Variants in ZC3HAV1 observed in about 807,000 individuals in gnomAD.
ZC3HAV1 encodes zinc finger CCCH-type antiviral protein 1.
Under a neutral mutation model 86.6 loss-of-function variants are expected in ZC3HAV1, and 41 were observed. That is an observed-to-expected ratio of 0.47 (90% CI 0.37 to 0.61). The LOEUF (loss-of-function observed/expected upper bound fraction) is 0.61, where lower values mean the gene tolerates loss of function less well. Among genes scored for constraint, ZC3HAV1 ranks in the 20% least tolerant of loss-of-function variants. The pLI, the probability that ZC3HAV1 is intolerant of heterozygous loss-of-function variation, is 0.00. For missense variants in ZC3HAV1, 964 were observed against 1,141.1 expected, an observed-to-expected ratio of 0.84 and a Z score of 2.24; for synonymous variants, 421 against 432.1, an observed-to-expected ratio of 0.97 and a Z score of 0.32.
At chr7:139,076,915 G>A (rs371750085) in intron 5 of ZC3HAV1, among the ~76,000 whole-genome samples, 5 of 151,146 alleles carry the variant, frequency 3.3e-5, no homozygotes, top group African/African-American at 1.2e-4. Context: ...AAAAAGAAAA[G>A]GAAACAAAAA....
intron 7 of ZC3HAV1, among the ~76,000 whole-genome samples, chr7:139,072,979 T>A (rs1013491743): frequency 3.3e-5 from 5 of 152,122 alleles, no homozygotes; most frequent in Non-Finnish European, 5.9e-5. Context: ...GCAGCTGACA[T>A]GTCTCAAGCG....
intron 12 of ZC3HAV1, among the ~76,000 whole-genome samples, chr7:139,053,072 A>T (rs1157015809): frequency 6.6e-6 from 1 of 152,166 alleles, no homozygotes; most frequent in African/African-American, 2.4e-5. Context: ...CTTTAATTAA[A>T]ACCAATCTGT....
At chr7:139,077,752 CTTATA>C (rs1309440405) in intron 5 of ZC3HAV1, among the ~76,000 whole-genome samples, 1 of 152,144 alleles carries the variant, frequency 6.6e-6, no homozygotes, top group African/African-American at 2.4e-5. Flanking sequence ...CAAAATTTGC[CTTATA>C]TTATGTTTAA....
At chr7:139,107,999 G>A (rs1265206749) in intron 1 of ZC3HAV1, among the ~76,000 whole-genome samples, 3 of 152,178 alleles carry the variant, frequency 2.0e-5, no homozygotes, top group Non-Finnish European at 4.4e-5. Flanking sequence ...AAGGGAAAGA[G>A]ACTTCACAAA....
chr7:139,100,179 T>A (rs1227674831), intron 1 of ZC3HAV1, among the ~76,000 whole-genome samples: 1 of 151,394 alleles, frequency 6.6e-6, no homozygotes, highest in Non-Finnish European at 1.5e-5. Flanking sequence ...AAGACAAACT[T>A]AAAAAAATGA....
intron 3 of ZC3HAV1, among the ~76,000 whole-genome samples, chr7:139,083,382 G>C (rs1429533732): frequency 6.6e-6 from 1 of 152,110 alleles, no homozygotes; most frequent in Non-Finnish European, 1.5e-5. Context: ...TACACGGCAA[G>C]GTAGAGTGAT....
intron 1 of ZC3HAV1, among the ~76,000 whole-genome samples, chr7:139,102,626 T>G (rs543573860): frequency 1.3e-5 from 2 of 152,058 alleles, no homozygotes; most frequent in East Asian, 1.9e-4. Context: ...GCTTAGTGGC[T>G]CATGCCTGTA....
rs945652557 is a variant in ZC3HAV1, at chr7:139,043,790, A to G, written c.*3804T>C. ...AATACAAATTATCAAAGCAAGGCGC[A>G]AAGTATTTTAAAAATAAGGGGTTTG... On this transcript the variant is annotated 3_prime_UTR_variant, in exon 13 of 13. Transcript: ENST00000242351. 4 of 152,232 alleles carry G rather than the reference A, an allele frequency of 2.6e-5. No individual in the cohort carries two copies. Among genetic ancestry groups the G allele is most frequent in the South Asian group, 4.1e-4 (2 of 4,832 alleles). The allele number at this position is 152,232 out of a possible 1,614,324, so 9.4% of individuals were successfully genotyped here.
At chr7:139,065,105 G>A in intron 7 of ZC3HAV1, 106 bp from the exon 8 acceptor site, 1 of 1,476,860 alleles carries the variant, frequency 6.8e-7, no homozygotes, top group South Asian at 1.3e-5. Context: ...AGTGCATTTT[G>A]CTTCCCAAAC....
At chr7:139,072,586 T>C (rs902110065) in intron 7 of ZC3HAV1, among the ~76,000 whole-genome samples, 1 of 152,162 alleles carries the variant, frequency 6.6e-6, no homozygotes, top group Non-Finnish European at 1.5e-5. Flanking sequence ...TCTCTCTCTC[T>C]TTAATCCTAT....
At chr7:139,064,805 T>G (rs1293529605) in intron 8 of ZC3HAV1, 74 bp downstream of exon 8, 1 of 1,610,246 alleles carries the variant, frequency 6.2e-7, no homozygotes, top group Non-Finnish European at 8.5e-7. Flanking sequence ...GCATACCCAC[T>G]CTGCTCCCAC....
At chr7:139,047,960 T>C in intron 12 of ZC3HAV1, 107 bp from the exon 13 acceptor site, 1 of 1,139,364 alleles carries the variant, frequency 8.8e-7, no homozygotes, top group South Asian at 1.4e-5. Flanking sequence ...CATATGTCAA[T>C]AATACCTTAC....
chr7:139,080,268 A>C, intron 3 of ZC3HAV1, 25 bp from the exon 4 acceptor site: 1 of 1,613,702 alleles, frequency 6.2e-7, no homozygotes, highest in South Asian at 1.1e-5. Context: ...AGCCAAAATG[A>C]AACAAAATAA....
chr7:139,057,730 T>C (rs184970355), intron 9 of ZC3HAV1, among the ~76,000 whole-genome samples: 467 of 46,556 alleles, frequency 0.01, 160 homozygotes, highest in Middle Eastern at 0.025. Flanking sequence ...TTAGTAGAGA[T>C]GGGGTTTCAC....
At chr7:139,084,769 G>A (rs1035160597) in intron 2 of ZC3HAV1, among the ~76,000 whole-genome samples, 2 of 152,190 alleles carry the variant, frequency 1.3e-5, no homozygotes, top group Admixed American at 6.5e-5. Context: ...TTGTAAATGC[G>A]TTATGCAAAA....
intron 3 of ZC3HAV1, among the ~76,000 whole-genome samples, chr7:139,082,959 G>C (rs1049979005): frequency 6.6e-6 from 1 of 151,978 alleles, no homozygotes; most frequent in Non-Finnish European, 1.5e-5. Context: ...TGTATTAATT[G>C]TCTTGTGATT....
rs1269248929 is a variant in ZC3HAV1 at position 139,097,413 on chromosome 7, TA to T, written c.309-7655del. Among the ~76,000 whole-genome samples, 104 of 80,218 alleles carry T rather than the reference TA, an allele frequency of 1.3e-3. 1 individual carries two copies. Among genetic ancestry groups the T allele is most frequent in the South Asian group, 2.1e-3 (4 of 1,916 alleles). 52.6% of individuals were successfully genotyped at this position (80,218 alleles called of 152,430 possible). On this transcript the variant is annotated intron_variant, in intron 1 of 12. Transcript: ENST00000242351. The stretch of plus-strand genomic sequence containing the variant: ...AATATTGGAACTCCATATATATATA[TA>T]TATATATATATATATTTTTTTTTTT...
chr7:139,066,721 G>A (rs967745509), intron 7 of ZC3HAV1, among the ~76,000 whole-genome samples: 14 of 152,136 alleles, frequency 9.2e-5, no homozygotes, highest in East Asian at 1.9e-4. Flanking sequence ...GATGTGGGGC[G>A]GGTAGAACAG....
At chr7:139,104,314 A>G (rs573563434) in intron 1 of ZC3HAV1, among the ~76,000 whole-genome samples, 1 of 152,330 alleles carries the variant, frequency 6.6e-6, no homozygotes, top group South Asian at 2.1e-4. Context: ...AAGCAAGGTA[A>G]AGACCCTTAG....
Sources: allele counts gnomAD v4.1 joint callset (sites outside exome capture counted in the v4.1 genomes callset), GRCh38; gene constraint gnomAD v4.1.1; transcripts MANE v1.5; gene names NCBI Gene and HGNC (gene_info 2026-07-23, HGNC 2026-07-21).